The following CA10 variants were observed in gnomAD, a reference collection of about 807,000 sequenced individuals.
The protein encoded by CA10 is carbonic anhydrase-related protein 10.
CA10 carries 14 observed loss-of-function variants against 44.2 expected under a neutral mutation model. The observed-to-expected ratio is 0.32, with a 90% confidence interval of 0.21 to 0.50. The LOEUF is 0.50. Ranked by LOEUF, CA10 falls within the 20% of genes least tolerant of loss-of-function variation. The pLI, the probability that CA10 is intolerant of heterozygous loss-of-function variation, is 0.99. For synonymous variants in CA10, 159 were observed against 141.6 expected, an observed-to-expected ratio of 1.12 and a Z score of -0.87; for missense variants, 350 against 409.7, an observed-to-expected ratio of 0.85 and a Z score of 1.26.
At chr17:51,833,390 C>A (rs181771297) in intron 3 of CA10, among the ~76,000 whole-genome samples, 1 of 152,228 alleles carries the variant, frequency 6.6e-6, no homozygotes, top group African/African-American at 2.4e-5. Context: ...TAAACATTTA[C>A]CCTCAGGATT....
chr17:51,740,992 A>G (rs375748602), intron 4 of CA10, among the ~76,000 whole-genome samples: 4 of 152,146 alleles, frequency 2.6e-5, no homozygotes, highest in African/African-American at 9.7e-5. Context: ...TATGTTTATT[A>G]TTTATTATCT....
At chr17:51,851,826 G>A (rs1978808630) in intron 3 of CA10, among the ~76,000 whole-genome samples, 1 of 152,116 alleles carries the variant, frequency 6.6e-6, no homozygotes, top group Non-Finnish European at 1.5e-5. Context: ...TTCAAACATT[G>A]GGAAATTTGA....
intron 1 of CA10, among the ~76,000 whole-genome samples, chr17:52,101,574 CT>C (rs758491470): frequency 1.6e-4 from 24 of 152,294 alleles, no homozygotes; most frequent in Admixed American, 1.0e-3. Flanking sequence ...CTGTGTGATG[CT>C]TTTGACCAAT....
At chr17:51,713,920 C>A (rs1190731035) in intron 4 of CA10, among the ~76,000 whole-genome samples, 1 of 152,186 alleles carries the variant, frequency 6.6e-6, no homozygotes, top group East Asian at 1.9e-4. Context: ...ATGTTCCTGA[C>A]CTTCTTGTGG....
chr17:52,082,239 T>C (rs1988003507), intron 1 of CA10, among the ~76,000 whole-genome samples: 1 of 152,214 alleles, frequency 6.6e-6, no homozygotes, highest in South Asian at 2.1e-4. Flanking sequence ...TTCACTCTGA[T>C]GACTACCCTC....
intron 6 of CA10, among the ~76,000 whole-genome samples, 180 bp downstream of exon 6, chr17:51,649,002 C>T (rs1361746298): frequency 6.6e-6 from 1 of 151,924 alleles, no homozygotes; most frequent in African/African-American, 2.4e-5. Flanking sequence ...ACCCTAGGGA[C>T]TTCTGCTTGA....
intron 4 of CA10, among the ~76,000 whole-genome samples, chr17:51,709,984 A>G (rs1467438475): frequency 6.6e-6 from 1 of 152,194 alleles, no homozygotes; most frequent in Non-Finnish European, 1.5e-5. Context: ...TGAACTGCAG[A>G]ATTTCTCTGG....
At chr17:51,849,187 A>ATATATACATATATG (rs1567860312) in intron 3 of CA10, among the ~76,000 whole-genome samples, 3 of 64,574 alleles carry the variant, frequency 4.6e-5, no homozygotes, top group African/African-American at 3.3e-4. Flanking sequence ...ATATATGTAT[A>ATATATACATATATG]TATATATATA....
At chr17:52,098,729 C>T (rs948233455) in intron 1 of CA10, among the ~76,000 whole-genome samples, 6 of 152,158 alleles carry the variant, frequency 3.9e-5, no homozygotes, top group African/African-American at 7.2e-5. Flanking sequence ...GTTCCTCTAC[C>T]GGGCCAGTCC....
chr17:52,147,686 T>C (rs1045121194), intron 1 of CA10, among the ~76,000 whole-genome samples: 1 of 152,142 alleles, frequency 6.6e-6, no homozygotes, highest in South Asian at 2.1e-4. Flanking sequence ...CTACAGGGGT[T>C]TGAGTCACTG....
chr17:51,948,524 C>A (rs557561997), intron 2 of CA10, among the ~76,000 whole-genome samples: 2 of 152,298 alleles, frequency 1.3e-5, no homozygotes, highest in South Asian at 2.1e-4. Flanking sequence ...CCAGAGTCCT[C>A]AACAGCAGGT....
chr17:51,958,593 A>G (rs1028510872), intron 2 of CA10, among the ~76,000 whole-genome samples: 4 of 152,202 alleles, frequency 2.6e-5, no homozygotes, highest in Non-Finnish European at 4.4e-5. Flanking sequence ...GCGGTTCATT[A>G]TATTTTTGAA....
At chr17:51,809,350 A>G (rs1907266649) in intron 3 of CA10, among the ~76,000 whole-genome samples, 1 of 152,204 alleles carries the variant, frequency 6.6e-6, no homozygotes, top group Non-Finnish European at 1.5e-5. Flanking sequence ...ACATACCAAC[A>G]TTGTGGCTAT....
At chr17:51,927,102 G>T (rs1982464632) in intron 3 of CA10, among the ~76,000 whole-genome samples, 1 of 152,032 alleles carries the variant, frequency 6.6e-6, no homozygotes, top group South Asian at 2.1e-4. Context: ...ATAAGGATTT[G>T]TCGTGTCATC....
chr17:51,676,718 C>A (rs574862558), intron 4 of CA10, among the ~76,000 whole-genome samples: 4 of 152,312 alleles, frequency 2.6e-5, no homozygotes, highest in Admixed American at 2.0e-4. Context: ...ATGCAACACT[C>A]CCCACTTTTA....
chr17:51,801,530 G>A (rs1025095227), intron 3 of CA10, among the ~76,000 whole-genome samples: 5 of 151,846 alleles, frequency 3.3e-5, no homozygotes, highest in Non-Finnish European at 4.4e-5. Flanking sequence ...TTCCATATAC[G>A]TGAATCTTAT....
chr17:52,060,101 G>C (rs976348925), intron 2 of CA10, among the ~76,000 whole-genome samples: 1 of 152,080 alleles, frequency 6.6e-6, no homozygotes, highest in Non-Finnish European at 1.5e-5. Flanking sequence ...ACAAACACAT[G>C]TTGATATCAC....
At chr17:52,077,616 A>G (rs1987850767) in intron 1 of CA10, among the ~76,000 whole-genome samples, 1 of 151,678 alleles carries the variant, frequency 6.6e-6, no homozygotes, top group African/African-American at 2.4e-5. Flanking sequence ...TTCTTACTTA[A>G]ATGTTCAGAA....
chr17:52,010,374 A>G (rs1464399601), intron 2 of CA10, among the ~76,000 whole-genome samples: 1 of 152,072 alleles, frequency 6.6e-6, no homozygotes, highest in Non-Finnish European at 1.5e-5. Context: ...CAATGAGTGG[A>G]TAAAGAAAAT....
Sources: allele counts gnomAD v4.1 joint callset (sites outside exome capture counted in the v4.1 genomes callset), GRCh38; gene constraint gnomAD v4.1.1; transcripts MANE v1.5; gene names NCBI Gene and HGNC (gene_info 2026-07-23, HGNC 2026-07-21).